FARS2: variants seen among roughly 807,000 people sequenced by gnomAD.
The protein encoded by FARS2 is phenylalanyl-tRNA synthetase 2, mitochondrial.
FARS2 carries 40 observed loss-of-function variants against 46.4 expected under a neutral mutation model. That is an observed-to-expected ratio of 0.86 (90% CI 0.67 to 1.12). FARS2 has a LOEUF of 1.12. FARS2 is among the 50% of genes most tolerant of loss of function. The pLI is 0.00. For synonymous variants in FARS2, 234 were observed against 214.9 expected, an observed-to-expected ratio of 1.09 and a Z score of -0.78; for missense variants, 513 against 567.9, an observed-to-expected ratio of 0.90 and a Z score of 0.98.
At chr6:5,766,443 C>T (rs1294115352) in intron 6 of FARS2, among the ~76,000 whole-genome samples, 1 of 152,278 alleles carries the variant, frequency 6.6e-6, no homozygotes, top group African/African-American at 2.4e-5. Flanking sequence ...CACTCACAGT[C>T]ATTCTTCCTG....
intron 6 of FARS2, among the ~76,000 whole-genome samples, chr6:5,645,954 T>TA (rs1473641507): frequency 6.6e-6 from 1 of 152,228 alleles, no homozygotes; most frequent in Non-Finnish European, 1.5e-5. Context: ...ACATGTTTTT[T>TA]ACTTAGTTTA....
rs1327806949 is a variant in FARS2, at chr6:5,486,056, A to C, written c.904+54884A>C. Among the ~76,000 whole-genome samples, 7 of 152,338 alleles carry C rather than the reference A, an allele frequency of 4.6e-5. No individual in the cohort carries two copies. The South Asian group carries it at 1.4e-3, about 32-fold the overall frequency. ...TATTTCTGAACTTCTTTTCCCTGCA[A>C]CTATAACGTGGAAATTATAGCATTA... is the stretch of plus-strand genomic sequence containing the variant. On this transcript the variant is annotated intron_variant, in intron 4 of 6. Transcript: ENST00000274680.
chr6:5,410,054 G>A (rs1761846380), intron 3 of FARS2, among the ~76,000 whole-genome samples: 1 of 152,116 alleles, frequency 6.6e-6, no homozygotes, highest in Admixed American at 6.5e-5. Flanking sequence ...AGTGCTGTGT[G>A]CTTCCTTCAT....
At chr6:5,351,462 C>T (rs1757567756) in intron 1 of FARS2, among the ~76,000 whole-genome samples, 1 of 152,152 alleles carries the variant, frequency 6.6e-6, no homozygotes, top group South Asian at 2.1e-4. Flanking sequence ...GTCTCCAAAA[C>T]ACGTATTTGT....
chr6:5,442,399 G>GTA (rs113883606), intron 4 of FARS2, among the ~76,000 whole-genome samples: 7,453 of 128,934 alleles, frequency 0.058, 224 homozygotes, highest in Non-Finnish European at 0.075. Context: ...AATGGAATGT[G>GTA]TATATATATA....
intron 1 of FARS2, among the ~76,000 whole-genome samples, chr6:5,329,391 T>C (rs1244438486): frequency 6.6e-6 from 1 of 152,230 alleles, no homozygotes; most frequent in African/African-American, 2.4e-5. Flanking sequence ...CGTGGCATGG[T>C]TGATGTGCTT....
intron 1 of FARS2, among the ~76,000 whole-genome samples, chr6:5,352,121 GTTTTTTTTTTGTGA>G (rs1351090532): frequency 6.9e-6 from 1 of 145,774 alleles, no homozygotes; most frequent in East Asian, 2.0e-4. Context: ...AAACATTGAG[GTTTTTTTTTTGTGA>G]TTTTTTTTTT....
At chr6:5,444,780 TGG>T (rs374844456) in intron 4 of FARS2, among the ~76,000 whole-genome samples, 963 of 80,700 alleles carry the variant, frequency 0.012, 16 homozygotes, top group African/African-American at 0.027. Context: ...AACAGTAAAA[TGG>T]GGCGGGGGGG....
intron 4 of FARS2, among the ~76,000 whole-genome samples, chr6:5,518,402 G>A (rs139104632): frequency 2.6e-5 from 4 of 152,332 alleles, no homozygotes; most frequent in Non-Finnish European, 5.9e-5. Flanking sequence ...CTTGGATGTA[G>A]CATATTCAAA....
At chr6:5,496,847 T>C (rs1329948524) in intron 4 of FARS2, among the ~76,000 whole-genome samples, 1 of 152,194 alleles carries the variant, frequency 6.6e-6, no homozygotes, top group African/African-American at 2.4e-5. Context: ...TCTTTCTTTT[T>C]ATTTAATTTT....
At chr6:5,758,848 G>A (rs2075169522) in intron 6 of FARS2, among the ~76,000 whole-genome samples, 2 of 152,162 alleles carry the variant, frequency 1.3e-5, no homozygotes, top group African/African-American at 4.8e-5. Context: ...TGTGTTGAGT[G>A]GGGCAGAAGG....
intron 2 of FARS2, among the ~76,000 whole-genome samples, chr6:5,382,654 C>G (rs764275927): frequency 7.9e-5 from 12 of 152,198 alleles, no homozygotes; most frequent in Non-Finnish European, 1.5e-4. Flanking sequence ...TAGTTTACTT[C>G]TTGGAATCGT....
At chr6:5,484,486 A>G (rs1049637201) in intron 4 of FARS2, among the ~76,000 whole-genome samples, 4 of 152,218 alleles carry the variant, frequency 2.6e-5, no homozygotes, top group Non-Finnish European at 4.4e-5. Context: ...TTGAGTTCCA[A>G]TTGAGTGTAA....
At chr6:5,342,629 G>A (rs1377629838) in intron 1 of FARS2, among the ~76,000 whole-genome samples, 1 of 152,098 alleles carries the variant, frequency 6.6e-6, no homozygotes, top group Non-Finnish European at 1.5e-5. Flanking sequence ...GTGCATGCCT[G>A]TAATCCCAGC....
intron 6 of FARS2, among the ~76,000 whole-genome samples, chr6:5,658,116 C>A (rs943608246): frequency 6.6e-6 from 1 of 152,004 alleles, no homozygotes; most frequent in Non-Finnish European, 1.5e-5. Flanking sequence ...GTTTGCTGGG[C>A]GTGGTGGTGC....
chr6:5,634,708 G>T (rs891688615), intron 6 of FARS2, among the ~76,000 whole-genome samples: 1 of 152,174 alleles, frequency 6.6e-6, no homozygotes, highest in African/African-American at 2.4e-5. Context: ...GCAAAAGATA[G>T]CCTTACTCTC....
At chr6:5,375,612 T>C (rs562520602) in intron 2 of FARS2, among the ~76,000 whole-genome samples, 81 of 152,136 alleles carry the variant, frequency 5.3e-4, no homozygotes, top group Non-Finnish European at 1.0e-3. Flanking sequence ...ACTTGTGTAG[T>C]TGTAAAGATA....
At chr6:5,398,814 G>T (rs1761055432) in intron 2 of FARS2, among the ~76,000 whole-genome samples, 1 of 152,088 alleles carries the variant, frequency 6.6e-6, no homozygotes, top group South Asian at 2.1e-4. Flanking sequence ...GTGACAGTGA[G>T]AAACCTGGTT....
intron 6 of FARS2, among the ~76,000 whole-genome samples, chr6:5,730,035 C>T (rs1760519719): frequency 6.6e-6 from 1 of 152,196 alleles, no homozygotes; most frequent in African/African-American, 2.4e-5. Context: ...AGCAAAATTC[C>T]CTTCAGATAA....
Sources: gnomAD v4.1 joint callset for allele counts (sites outside exome capture counted in the v4.1 genomes callset) on GRCh38, gnomAD v4.1.1 for gene constraint, MANE v1.5 for transcripts, NCBI Gene and HGNC (gene_info 2026-07-23, HGNC 2026-07-21) for gene names.